OR1L8: variants seen among roughly 807,000 people sequenced by gnomAD.
OR1L8 encodes the protein olfactory receptor family 1 subfamily L member 8, also known as olfactory receptor 1L8.
For missense variants in OR1L8, 330 were observed against 377.4 expected (o/e 0.87, Z 1.04); for synonymous variants, 148 against 147.0 (o/e 1.01, Z -0.05).
At chr9:122,553,764 A>G in the OR1L8 span, 2 of 1,613,796 alleles carry the variant, frequency 1.2e-6, no homozygotes, top group Non-Finnish European at 1.7e-6. Flanking sequence ...TTGTGATCCT[A>G]GTGCTCTCCT....
At chr9:122,557,123 A>G in the OR1L8 span, among the ~76,000 whole-genome samples, 1 of 152,114 alleles carries the variant, frequency 6.6e-6, no homozygotes, top group African/African-American at 2.4e-5. Context: ...TAGTTCCAGA[A>G]GAGATTTTTG....
intron 4 of OR1L8, 68 bp from the exon 5 acceptor site, chr9:122,568,757 G>A: frequency 3.1e-6 from 1 of 320,504 alleles, no homozygotes; most frequent in East Asian, 5.5e-5. Flanking sequence ...TTCAGACTCA[G>A]TATTTCCTAT....
the OR1L8 span, among the ~76,000 whole-genome samples, chr9:122,558,476 A>G: frequency 2.0e-5 from 3 of 151,772 alleles, no homozygotes; most frequent in Non-Finnish European, 2.9e-5. Context: ...TTTCTGGGCT[A>G]AAGTGGCTTT....
the OR1L8 span, among the ~76,000 whole-genome samples, chr9:122,548,911 T>C: frequency 6.6e-6 from 1 of 152,070 alleles, no homozygotes; most frequent in Non-Finnish European, 1.5e-5. Context: ...TCTCCCATTC[T>C]TCAGGTGGTT....
the OR1L8 span, among the ~76,000 whole-genome samples, chr9:122,548,930 C>G: frequency 6.6e-6 from 1 of 151,926 alleles, no homozygotes; most frequent in Admixed American, 6.6e-5. Context: ...TTTGTTTACT[C>G]TGTTGATTAT....
intron 3 of OR1L8, among the ~76,000 whole-genome samples, chr9:122,574,441 T>TG (rs1381570118): frequency 6.6e-6 from 1 of 152,246 alleles, no homozygotes; most frequent in Non-Finnish European, 1.5e-5. Context: ...TATTTTATTT[T>TG]GGGGGGTGCT....
chr9:122,560,869 G>C, the OR1L8 span, among the ~76,000 whole-genome samples: 2 of 151,998 alleles, frequency 1.3e-5, no homozygotes, highest in Non-Finnish European at 2.9e-5. Flanking sequence ...TTTGAATGTT[G>C]GTCTGTCTTG....
At chr9:122,562,186 A>G (rs931837116), downstream of OR1L8, among the ~76,000 whole-genome samples, 2 of 152,204 alleles carry the variant, frequency 1.3e-5, no homozygotes, top group Non-Finnish European at 2.9e-5. Flanking sequence ...CTGGCTCGGC[A>G]GGGGAAAATA....
At chr9:122,551,218 A>C in the OR1L8 span, among the ~76,000 whole-genome samples, 3 of 152,324 alleles carry the variant, frequency 2.0e-5, no homozygotes, top group South Asian at 6.2e-4. Flanking sequence ...GAAACCAACA[A>C]TGATACTAGA....
the OR1L8 span, among the ~76,000 whole-genome samples, chr9:122,559,176 T>G: frequency 6.6e-6 from 1 of 152,154 alleles, no homozygotes; most frequent in African/African-American, 2.4e-5. Flanking sequence ...AACATAGATC[T>G]GTTGACTAAC....
chr9:122,560,775 C>T, the OR1L8 span, among the ~76,000 whole-genome samples: 8 of 152,212 alleles, frequency 5.3e-5, no homozygotes, highest in East Asian at 3.9e-4. Flanking sequence ...TCCTTCATTT[C>T]GACCTTGGAG....
chr9:122,569,601 C>T (rs1310081113), intron 4 of OR1L8, among the ~76,000 whole-genome samples: 1 of 80,530 alleles, frequency 1.2e-5, no homozygotes, highest in Non-Finnish European at 2.4e-5. Context: ...ACATTTTTGG[C>T]TACCATAAAA....
downstream of OR1L8, among the ~76,000 whole-genome samples, chr9:122,563,413 A>C (rs1785232589): frequency 6.6e-6 from 1 of 152,158 alleles, no homozygotes; most frequent in South Asian, 2.1e-4. Context: ...TCTTCTTTTA[A>C]GAAATATCTA....
chr9:122,571,670 T>G (rs1006799714), intron 4 of OR1L8, among the ~76,000 whole-genome samples: 2 of 150,636 alleles, frequency 1.3e-5, no homozygotes, highest in African/African-American at 2.4e-5. Flanking sequence ...GAGCCAAGAT[T>G]GCACCACTGC....
chr9:122,559,450 T>A, the OR1L8 span, among the ~76,000 whole-genome samples: 1 of 152,136 alleles, frequency 6.6e-6, no homozygotes, highest in Admixed American at 6.6e-5. Context: ...CTGCTTTCTC[T>A]TGTGGGCATT....
At chr9:122,552,246 C>T in the OR1L8 span, among the ~76,000 whole-genome samples, 80 of 152,234 alleles carry the variant, frequency 5.3e-4, no homozygotes, top group African/African-American at 1.9e-3. Flanking sequence ...GGCCAAACTT[C>T]TACAAGATCA....
At chr9:122,551,718 G>C in the OR1L8 span, among the ~76,000 whole-genome samples, 5 of 152,114 alleles carry the variant, frequency 3.3e-5, no homozygotes, top group Non-Finnish European at 7.4e-5. Context: ...GCCAGAGTTG[G>C]CTGGAGAACA....
chr9:122,560,669 G>T, the OR1L8 span, among the ~76,000 whole-genome samples: 28 of 152,228 alleles, frequency 1.8e-4, no homozygotes, highest in African/African-American at 6.3e-4. Context: ...CTCTCTTCTG[G>T]CATGTAGGGT....
intron 3 of OR1L8, among the ~76,000 whole-genome samples, chr9:122,576,270 G>A (rs1483018667): frequency 6.6e-6 from 1 of 151,810 alleles, no homozygotes; most frequent in Admixed American, 6.6e-5. Flanking sequence ...CACCCAGACT[G>A]GAGTGCAGTG....
Sources: gnomAD v4.1 joint callset for allele counts (sites outside exome capture counted in the v4.1 genomes callset) on GRCh38, gnomAD v4.1.1 for gene constraint, MANE v1.5 for transcripts, NCBI Gene and HGNC (gene_info 2026-07-23, HGNC 2026-07-21) for gene names.